The following KLHL3 variants were observed in gnomAD, a reference collection of about 807,000 sequenced individuals.
The protein encoded by KLHL3 is kelch-like protein 3.
Under a neutral mutation model 70.5 loss-of-function variants are expected in KLHL3, and 19 were observed. That is an observed-to-expected ratio of 0.27 (90% CI 0.19 to 0.40). The LOEUF (loss-of-function observed/expected upper bound fraction) is 0.40, where lower values mean the gene tolerates loss of function less well. Among genes scored for constraint, KLHL3 ranks in the 10% least tolerant of loss-of-function variants. The pLI is 1.00. For synonymous variants in KLHL3, 258 were observed against 290.3 expected (o/e 0.89, Z 1.13); for missense variants, 512 against 771.1 (o/e 0.66, Z 3.98).
At chr5:137,691,752 A>G (rs958723236) in intron 5 of KLHL3, among the ~76,000 whole-genome samples, 13 of 150,220 alleles carry the variant, frequency 8.7e-5, no homozygotes, top group African/African-American at 3.2e-4. Flanking sequence ...CTGGGACTAC[A>G]GGCGCCCGCC....
At chr5:137,627,402 T>G (rs1193602147) in intron 13 of KLHL3, among the ~76,000 whole-genome samples, 1 of 151,684 alleles carries the variant, frequency 6.6e-6, no homozygotes, top group East Asian at 1.9e-4. Context: ...CCTGTAATTC[T>G]TTGCTCATGT....
rs1750314509 is a variant in KLHL3, at chr5:137,621,875, C to T, written c.*223G>A. ...AGGTGCTGCCTGGGGATGTCAAGAC[C>T]CCCCTTGCTCAGGGCATAGGCCAGA... On this transcript the variant is annotated 3_prime_UTR_variant, in exon 15 of 15. Coordinates refer to ENST00000309755, the MANE Select transcript of KLHL3 (RefSeq NM_017415.3). 4 of 585,976 alleles carry T rather than the reference C, an allele frequency of 6.8e-6. No homozygotes were observed. Among genetic ancestry groups the T allele is most frequent in the South Asian group, 4.4e-5 (2 of 45,640 alleles). The allele number at this position is 585,976 out of a possible 1,614,324, so 36.3% of individuals were successfully genotyped here.
intron 2 of KLHL3, among the ~76,000 whole-genome samples, chr5:137,711,282 G>C (rs2149930215): frequency 6.6e-6 from 1 of 152,330 alleles, no homozygotes; most frequent in East Asian, 1.9e-4. Flanking sequence ...GGCCTGAAAA[G>C]GCTGGAGCTG....
At chr5:137,677,444 T>C (rs999635872) in intron 6 of KLHL3, 101 bp downstream of exon 6, 4 of 707,330 alleles carry the variant, frequency 5.7e-6, no homozygotes, top group Non-Finnish European at 9.7e-6. Context: ...CAAGACTCCA[T>C]CTCAAAAAAA....
intron 8 of KLHL3, among the ~76,000 whole-genome samples, chr5:137,640,736 C>A (rs1025558724): frequency 4.0e-5 from 6 of 151,518 alleles, no homozygotes; most frequent in East Asian, 1.9e-4. Flanking sequence ...GCCAGCCACC[C>A]CCCCCAACTC....
At chr5:137,629,010 G>A (rs1383401666) in intron 12 of KLHL3, 1 of 152,122 alleles carries the variant, frequency 6.6e-6, no homozygotes, top group African/African-American at 2.4e-5. Flanking sequence ...ATTATCATCA[G>A]GGAGGCCTCC....
At chr5:137,718,796 AGCT>A (rs1230161183) in intron 2 of KLHL3, among the ~76,000 whole-genome samples, 10 of 152,272 alleles carry the variant, frequency 6.6e-5, no homozygotes, top group Non-Finnish European at 1.2e-4. Context: ...TGCCTAAGAC[AGCT>A]ATGGGCAGAG....
At chr5:137,654,606 T>C (rs1369512799) in intron 8 of KLHL3, among the ~76,000 whole-genome samples, 1 of 152,124 alleles carries the variant, frequency 6.6e-6, no homozygotes, top group African/African-American at 2.4e-5. Context: ...GTGATGAGAG[T>C]ATAGTTTAAG....
At chr5:137,693,522 A>C (rs963516541) in intron 4 of KLHL3, among the ~76,000 whole-genome samples, 1 of 152,134 alleles carries the variant, frequency 6.6e-6, no homozygotes, top group African/African-American at 2.4e-5. Flanking sequence ...CATACAGGAC[A>C]AAAGGCCAAA....
intron 2 of KLHL3, among the ~76,000 whole-genome samples, chr5:137,716,218 C>CT (rs879881518): frequency 0.014 from 1,955 of 141,410 alleles, 34 homozygotes; most frequent in African/African-American, 0.042. Flanking sequence ...ACGTAAATTT[C>CT]TTTTTTTTTT....
chr5:137,628,096 T>C, intron 13 of KLHL3: 6 of 601,578 alleles, frequency 1.0e-5, no homozygotes, highest in Non-Finnish European at 1.5e-5. Context: ...TGCATCTAGG[T>C]TGCAGGATCT....
intron 8 of KLHL3, among the ~76,000 whole-genome samples, chr5:137,643,193 A>C (rs1175121690): frequency 6.6e-6 from 1 of 152,052 alleles, no homozygotes; most frequent in African/African-American, 2.4e-5. Context: ...TCTACAAAAA[A>C]TACAAAAAAC....
chr5:137,735,291 G>C (rs927913571), intron 1 of KLHL3, among the ~76,000 whole-genome samples: 1 of 152,198 alleles, frequency 6.6e-6, no homozygotes, highest in African/African-American at 2.4e-5. Flanking sequence ...GCCAGGAAAG[G>C]GAAACGCCTC....
chr5:137,680,222 T>C (rs1465929846), intron 5 of KLHL3, among the ~76,000 whole-genome samples: 1 of 152,108 alleles, frequency 6.6e-6, no homozygotes, highest in African/African-American at 2.4e-5. Context: ...TTATTTGGGG[T>C]TTTTTGTTTT....
intron 2 of KLHL3, among the ~76,000 whole-genome samples, chr5:137,715,257 A>C (rs548383086): frequency 6.6e-6 from 1 of 152,360 alleles, no homozygotes; most frequent in African/African-American, 2.4e-5. Flanking sequence ...CATAAATTGC[A>C]AAGAACATGT....
In KLHL3 at chr5:137,710,004, G is replaced by C. The variant is rs182562944; in HGVS notation, c.135-148C>G. ...CTTGCTCTATCTTGAGTTAGGGAGG[G>C]GGGTGGATTCATTGACTTTTCCAAG... On this transcript the variant is annotated intron_variant, in intron 2 of 14. Coordinates refer to ENST00000309755, the MANE Select transcript of KLHL3 (RefSeq NM_017415.3). 2.9e-5 allele frequency: 19 copies of C among 666,362 alleles called. No individual in the cohort carries two copies. In the South Asian group the frequency reaches 3.1e-4, roughly 11 times the overall value. The allele number at this position is 666,362 out of a possible 1,614,324, so 41.3% of individuals were successfully genotyped here. A position where few individuals can be genotyped will look rare whatever the true frequency, so the allele number is the denominator to read the frequency against.
chr5:137,723,281 C>T (rs1753032198), intron 1 of KLHL3, among the ~76,000 whole-genome samples: 1 of 152,124 alleles, frequency 6.6e-6, no homozygotes, highest in African/African-American at 2.4e-5. Context: ...CCATAAAGAA[C>T]TCGAATGGGA....
At chr5:137,647,860 A>T (rs1751095713) in intron 8 of KLHL3, among the ~76,000 whole-genome samples, 1 of 152,218 alleles carries the variant, frequency 6.6e-6, no homozygotes, top group Non-Finnish European at 1.5e-5. Flanking sequence ...CTGGGCCCAA[A>T]TATAGTATCA....
At position 137,731,448 on chromosome 5, in the gene KLHL3, C is replaced by G. The variant is rs538173949; in HGVS notation, c.14+4185G>C. ...CTTGCTCTTCCCTGGGTCTTGCCAG[C>G]ATTCAACCTGACATTACAAAACTCA... On this transcript the variant is annotated intron_variant, in intron 1 of 14. Coordinates refer to ENST00000309755, the MANE Select transcript of KLHL3 (RefSeq NM_017415.3). Among the ~76,000 whole-genome samples the G allele has an allele frequency of 3.3e-5, 5 of 152,298 alleles. No homozygotes were observed. In the South Asian group the frequency reaches 8.3e-4, roughly 25 times the overall value.
Sources: gnomAD v4.1 joint callset for allele counts (sites outside exome capture counted in the v4.1 genomes callset) on GRCh38, gnomAD v4.1.1 for gene constraint, MANE v1.5 for transcripts, NCBI Gene and HGNC (gene_info 2026-07-23, HGNC 2026-07-21) for gene names.